Variants in ZCCHC17 observed in about 807,000 individuals in gnomAD.
ZCCHC17 encodes zinc finger CCHC-type containing 17, also known as zinc finger CCHC domain-containing protein 17.
ZCCHC17 carries 18 observed loss-of-function variants against 30.6 expected under a neutral mutation model. The observed-to-expected ratio is 0.59, with a 90% CI of 0.41 to 0.87. The LOEUF (loss-of-function observed/expected upper bound fraction) is 0.87, where lower values mean the gene tolerates loss of function less well. Ranked by LOEUF, ZCCHC17 falls within the 40% of genes least tolerant of loss-of-function variation. The pLI is 0.00. For missense variants in ZCCHC17, 263 were observed against 284.2 expected (o/e 0.93, Z 0.54); for synonymous variants, 88 against 92.4 (o/e 0.95, Z 0.27).
chr1:31,315,129 T>C (rs191962539), intron 2 of ZCCHC17, among the ~76,000 whole-genome samples: 18 of 152,344 alleles, frequency 1.2e-4, no homozygotes, highest in Admixed American at 8.5e-4. Context: ...CGTGAGTTAC[T>C]GTAGAGCAGA....
At chr1:31,343,939 C>T (rs1455983405) in intron 5 of ZCCHC17, among the ~76,000 whole-genome samples, 1 of 149,412 alleles carries the variant, frequency 6.7e-6, no homozygotes, top group Non-Finnish European at 1.5e-5. Context: ...ACTGCAACCT[C>T]CACCTCCTGG....
intron 3 of ZCCHC17, among the ~76,000 whole-genome samples, chr1:31,320,286 T>G (rs1029300081): frequency 1.3e-5 from 2 of 152,224 alleles, no homozygotes; most frequent in Non-Finnish European, 2.9e-5. Context: ...ACTTTATGAT[T>G]CCATTTATAT....
chr1:31,346,657 G>T lies in ZCCHC17; in HGVS notation c.335G>T (p.Arg112Met). ...NVIIEQEERRRRSFQDYTGQK... is the reference protein window; with the variant it reads ...NVIIEQEERRMRSFQDYTGQK... Reference sequence around the variant, plus strand: ...CATTATAGGCAAGAAGAGAGGCGGAGGCGATCCTTCCAGGATTACACTGGG... The same window carrying T: ...CATTATAGGCAAGAAGAGAGGCGGATGCGATCCTTCCAGGATTACACTGGG... Residue 112 changes from arginine to methionine, a missense_variant, in exon 6 of 8, where the codon AGG becomes ATG. Arg to Met is a moderately conservative substitution (Grantham distance 91). Transcript: ENST00000344147. 6.2e-7 allele frequency: 1 copy of T among 1,612,058 alleles called. No homozygotes were observed. Among genetic ancestry groups the T allele is most frequent in the Non-Finnish European group, 8.5e-7 (1 of 1,178,688 alleles).
chr1:31,324,649 C>A (rs1441817143), intron 3 of ZCCHC17, among the ~76,000 whole-genome samples: 1 of 152,276 alleles, frequency 6.6e-6, no homozygotes, highest in Admixed American at 6.5e-5. Context: ...TGGGTTTGCA[C>A]ACCTTGGGGT....
chr1:31,346,782 G>A (rs375539493), intron 6 of ZCCHC17, 42 bp downstream of exon 6: 2 of 1,612,648 alleles, frequency 1.2e-6, no homozygotes, highest in African/African-American at 2.7e-5. Flanking sequence ...CTCTCCTTGT[G>A]GATGGACCCT....
chr1:31,299,492 T>G (rs1261360756), intron 1 of ZCCHC17, among the ~76,000 whole-genome samples: 2 of 152,196 alleles, frequency 1.3e-5, no homozygotes, highest in Non-Finnish European at 2.9e-5. Flanking sequence ...CTTGACTCCC[T>G]TGCACCTAAG....
At chr1:31,348,780 AAG>A (rs1479848934) in intron 6 of ZCCHC17, 47 bp from the exon 7 acceptor site, 1 of 1,609,576 alleles carries the variant, frequency 6.2e-7, no homozygotes, top group Non-Finnish European at 8.5e-7. Context: ...ACTTGCTGAG[AAG>A]AGAGACTACT....
intron 7 of ZCCHC17, 76 bp downstream of exon 7, chr1:31,349,050 C>T: frequency 6.8e-7 from 1 of 1,475,098 alleles, no homozygotes; most frequent in Non-Finnish European, 9.1e-7. Flanking sequence ...CCTCATGCAG[C>T]AGTACACACC....
rs185425818 is a variant in ZCCHC17, at chr1:31,336,290, C to T, written c.125-885C>T. Among the ~76,000 whole-genome samples, 4 of 152,304 alleles carry T rather than the reference C, an allele frequency of 2.6e-5. No individual in the cohort carries two copies. The East Asian group carries it at 7.7e-4, about 29-fold the overall frequency. Reference sequence around the variant, plus strand: ...GTTTTATCATGTTGCCCAGGCTAGACTGCAAGTTATTTCAGCTCTGTAAGT... The same window carrying T: ...GTTTTATCATGTTGCCCAGGCTAGATTGCAAGTTATTTCAGCTCTGTAAGT... On this transcript the variant is annotated intron_variant, in intron 3 of 7. Transcript: ENST00000344147.
intron 2 of ZCCHC17, chr1:31,318,173 T>C: frequency 6.5e-7 from 1 of 1,534,728 alleles, no homozygotes; most frequent in Non-Finnish European, 8.7e-7. Context: ...TTAGTTATGG[T>C]GAAGCTGAAA....
chr1:31,312,840 A>G (rs1646637766), intron 2 of ZCCHC17, among the ~76,000 whole-genome samples: 1 of 151,576 alleles, frequency 6.6e-6, no homozygotes, highest in African/African-American at 2.4e-5. Context: ...GCTCACTGCA[A>G]CTGCTCACTG....
At chr1:31,337,708 T>G (rs563889053) in intron 4 of ZCCHC17, among the ~76,000 whole-genome samples, 1 of 152,046 alleles carries the variant, frequency 6.6e-6, no homozygotes, top group East Asian at 1.9e-4. Flanking sequence ...CACCATGCAA[T>G]GTGCAGAAAG....
chr1:31,309,447 T>A (rs991051376), intron 1 of ZCCHC17, among the ~76,000 whole-genome samples: 1 of 152,272 alleles, frequency 6.6e-6, no homozygotes, highest in African/African-American at 2.4e-5. Context: ...CCCAAGTAGC[T>A]GGGACTACAG....
intron 7 of ZCCHC17, among the ~76,000 whole-genome samples, chr1:31,351,997 C>T (rs183747193): frequency 2.6e-5 from 4 of 152,176 alleles, no homozygotes; most frequent in Admixed American, 6.5e-5. Context: ...GCCTACTTGA[C>T]GTCTACATCT....
At chr1:31,338,134 C>CTTT (rs745793056) in intron 4 of ZCCHC17, among the ~76,000 whole-genome samples, 1 of 126,366 alleles carries the variant, frequency 7.9e-6, no homozygotes, top group Admixed American at 8.2e-5. Flanking sequence ...TAAACCTGGC[C>CTTT]TTTTTTTTTT....
Position 31,341,880 on chromosome 1 carries a change from G to A in ZCCHC17, c.317+2832G>A, listed in dbSNP as rs551113126. On this transcript the variant is annotated intron_variant, in intron 5 of 7. Coordinates refer to ENST00000344147, the MANE Select transcript of ZCCHC17 (RefSeq NM_016505.4). ...ACTTGTAGTTATTGTTTTAAATGCC[G>A]CTTTGTTTTATCCTCTAATATCTGA... 1.3e-4 allele frequency among the ~76,000 whole-genome samples: 20 copies of A among 152,212 alleles called. 1 individual carries two copies. Among genetic ancestry groups the A allele is most frequent in the South Asian group, 1.0e-3 (5 of 4,820 alleles).
intron 1 of ZCCHC17, chr1:31,297,345 G>A (rs1482562979): frequency 2.5e-6 from 1 of 395,484 alleles, no homozygotes; most frequent in Non-Finnish European, 4.5e-6. Context: ...GCATTCCCAG[G>A]GAGAAAGGCC....
At chr1:31,306,310 A>G (rs1646454344) in intron 1 of ZCCHC17, among the ~76,000 whole-genome samples, 1 of 152,154 alleles carries the variant, frequency 6.6e-6, no homozygotes, top group Non-Finnish European at 1.5e-5. Flanking sequence ...TTATTAAGTA[A>G]AGAAAGGATT....
At chr1:31,362,877 A>C (rs1639970699) in intron 7 of ZCCHC17, among the ~76,000 whole-genome samples, 1 of 152,204 alleles carries the variant, frequency 6.6e-6, no homozygotes, top group Non-Finnish European at 1.5e-5. Flanking sequence ...ATTAGACAGA[A>C]GTATTTGAAG....
Sources: gnomAD v4.1 joint callset for allele counts (sites outside exome capture counted in the v4.1 genomes callset) on GRCh38, gnomAD v4.1.1 for gene constraint, MANE v1.5 for transcripts, NCBI Gene and HGNC (gene_info 2026-07-23, HGNC 2026-07-21) for gene names.